The following IL1RAPL1 variants were observed in gnomAD, a reference collection of about 807,000 sequenced individuals.
IL1RAPL1 encodes interleukin-1 receptor accessory protein-like 1.
IL1RAPL1 carries 3 observed loss-of-function variants against 48.4 expected under a neutral mutation model. The ratio of observed to expected loss-of-function variants is 0.06; its 90% CI spans 0.03 to 0.16. IL1RAPL1 has a LOEUF of 0.16. IL1RAPL1 is among the 10% of genes least tolerant of loss of function. The pLI, the probability that IL1RAPL1 is intolerant of heterozygous loss-of-function variation, is 1.00. For synonymous variants in IL1RAPL1, 185 were observed against 187.7 expected, an observed-to-expected ratio of 0.99 and a Z score of 0.12; for missense variants, 349 against 530.6, an observed-to-expected ratio of 0.66 and a Z score of 3.36.
At chrX:29,069,928 G>A (rs1436207194) in intron 2 of IL1RAPL1, among the ~76,000 whole-genome samples, 1 of 111,166 alleles carries the variant, frequency 9.0e-6, no homozygotes, top group Non-Finnish European at 1.9e-5. Flanking sequence ...TTATATTAGA[G>A]ATAATAGCTC....
chrX:28,628,688 C>G lies in IL1RAPL1; in HGVS notation c.-25+40641C>G, dbSNP rs186313637. Among the ~76,000 whole-genome samples, 7 of 112,010 alleles carry G rather than the reference C, an allele frequency of 6.2e-5. No individual in the cohort carries two copies. The East Asian group carries it at 2.0e-3, about 32-fold the overall frequency. ...TGTTTTCACCAGATGAAAGCAACTC[C>G]AAGTCAAATGCATGAAACTGCACTA... On this transcript the variant is annotated intron_variant, in intron 1 of 10. Coordinates refer to ENST00000378993, the MANE Select transcript of IL1RAPL1 (RefSeq NM_014271.4).
intron 5 of IL1RAPL1, among the ~76,000 whole-genome samples, chrX:29,458,065 G>A (rs955802139): frequency 8.9e-6 from 1 of 112,299 alleles, no homozygotes; most frequent in African/African-American, 3.2e-5. Context: ...ACAGGCGTGA[G>A]CCACTGTGAC....
intron 6 of IL1RAPL1, among the ~76,000 whole-genome samples, chrX:29,835,213 C>T (rs1038675502): frequency 2.7e-5 from 3 of 110,109 alleles, no homozygotes; most frequent in Non-Finnish European, 3.8e-5. Context: ...AAATAAGAGC[C>T]TTTAGAGGGT....
At chrX:29,165,233 C>T (rs1484926582) in intron 2 of IL1RAPL1, among the ~76,000 whole-genome samples, 4 of 111,746 alleles carry the variant, frequency 3.6e-5, no homozygotes, top group South Asian at 3.8e-4. Context: ...GCAGGAGAAT[C>T]GCTTGAACCT....
At position 28,823,006 on chromosome X, in the gene IL1RAPL1, A is replaced by G. The variant is rs774384943; in HGVS notation, c.82+33581A>G. ...AAGAGTTTCCCAGAATTCCATAGTT[A>G]CTGCTGAAAAGAGTGAGAGTGATCA... On this transcript the variant is annotated intron_variant, in intron 2 of 10. Coordinates refer to ENST00000378993, the MANE Select transcript of IL1RAPL1 (RefSeq NM_014271.4). Among the ~76,000 whole-genome samples the G allele has an allele frequency of 8.2e-4, 91 of 111,518 alleles. 1 individual carries two copies. The highest frequency in any genetic ancestry group is 2.7e-3 in the South Asian group (7 of 2,588).
chrX:29,513,129 T>C (rs1304586492), intron 5 of IL1RAPL1, among the ~76,000 whole-genome samples: 2 of 111,626 alleles, frequency 1.8e-5, no homozygotes. Flanking sequence ...CATTAAAATA[T>C]GTTATTTATT....
At chrX:29,081,328 T>A (rs1927839435) in intron 2 of IL1RAPL1, among the ~76,000 whole-genome samples, 1 of 109,235 alleles carries the variant, frequency 9.2e-6, no homozygotes, top group Admixed American at 1.0e-4. Flanking sequence ...AGTGCTAGGA[T>A]TATAGGCGTG....
chrX:28,812,361 T>C, intron 2 of IL1RAPL1, among the ~76,000 whole-genome samples: 1 of 111,017 alleles, frequency 9.0e-6, no homozygotes, highest in East Asian at 2.8e-4. Flanking sequence ...GTGTCAACTC[T>C]CTGAATATTG....
chrX:29,607,161 C>G (rs766209762), intron 5 of IL1RAPL1, among the ~76,000 whole-genome samples: 1 of 111,371 alleles, frequency 9.0e-6, no homozygotes, highest in East Asian at 2.8e-4. Context: ...TATTACTTCT[C>G]TAGGTCATCC....
intron 6 of IL1RAPL1, among the ~76,000 whole-genome samples, chrX:29,743,134 A>G (rs1167186949): frequency 9.2e-6 from 1 of 108,831 alleles, no homozygotes; most frequent in Non-Finnish European, 1.9e-5. Context: ...GTGTTTATAT[A>G]CTATTTACAA....
chrX:28,706,064 A>T (rs936155938), intron 1 of IL1RAPL1, among the ~76,000 whole-genome samples: 1 of 112,117 alleles, frequency 8.9e-6, no homozygotes, highest in Non-Finnish European at 1.9e-5. Flanking sequence ...CATGTCCTTG[A>T]TGACACTTGT....
intron 5 of IL1RAPL1, among the ~76,000 whole-genome samples, chrX:29,589,271 A>G (rs970137198): frequency 1.8e-5 from 2 of 111,572 alleles, no homozygotes; most frequent in Non-Finnish European, 1.9e-5. Context: ...CTCATTCAAC[A>G]TCACTTTTTA....
intron 5 of IL1RAPL1, among the ~76,000 whole-genome samples, chrX:29,622,219 G>A (rs1924484362): frequency 8.9e-6 from 1 of 111,991 alleles, no homozygotes; most frequent in Admixed American, 9.5e-5. Context: ...AATAGCATAG[G>A]CCTGAATGTG....
intron 2 of IL1RAPL1, among the ~76,000 whole-genome samples, chrX:29,240,228 T>A (rs12852886): frequency 7.2e-4 from 17 of 23,663 alleles, no homozygotes; most frequent in African/African-American, 2.6e-3. Context: ...ATATATATTT[T>A]TTTTTTTTTT....
chrX:28,904,657 G>A (rs918083703), intron 2 of IL1RAPL1, among the ~76,000 whole-genome samples: 1 of 111,894 alleles, frequency 8.9e-6, no homozygotes, highest in African/African-American at 3.2e-5. Context: ...GATCCTTCAA[G>A]CCTTACAATT....
intron 5 of IL1RAPL1, among the ~76,000 whole-genome samples, chrX:29,455,753 T>TA (rs1307935884): frequency 4.5e-5 from 5 of 111,901 alleles, no homozygotes; most frequent in Non-Finnish European, 9.4e-5. Flanking sequence ...TCTTTTTAAT[T>TA]AAAAAAACCC....
intron 5 of IL1RAPL1, among the ~76,000 whole-genome samples, chrX:29,427,871 G>A (rs1385196280): frequency 4.5e-5 from 5 of 111,549 alleles, no homozygotes; most frequent in East Asian, 2.8e-4. Context: ...TAAGCTTGTG[G>A]CCTTTCATTA....
Position 29,783,990 on chromosome X carries a change from G to T in IL1RAPL1, c.778+115486G>T, listed in dbSNP as rs776918916. On this transcript the variant is annotated intron_variant, in intron 6 of 10. Transcript: ENST00000378993. The stretch of plus-strand genomic sequence containing the variant: ...TCCTGGAGAACACTTCAACTACATA[G>T]AGTAACCATTTACAGAATACAGTTG... 2.7e-4 allele frequency among the ~76,000 whole-genome samples: 30 copies of T among 111,344 alleles called. No individual in the cohort carries two copies. The South Asian group carries it at 0.01, about 38-fold the overall frequency.
chrX:29,426,953 G>A (rs1004746839), intron 5 of IL1RAPL1, among the ~76,000 whole-genome samples: 2 of 106,975 alleles, frequency 1.9e-5, no homozygotes, highest in African/African-American at 3.4e-5. Flanking sequence ...TTTTATTTGA[G>A]ACCACAGAAT....
Sources: gnomAD v4.1 joint callset for allele counts (sites outside exome capture counted in the v4.1 genomes callset) on GRCh38, gnomAD v4.1.1 for gene constraint, MANE v1.5 for transcripts, NCBI Gene and HGNC (gene_info 2026-07-23, HGNC 2026-07-21) for gene names.